The following CTIF variants were observed in gnomAD, a reference collection of about 807,000 sequenced individuals.
CTIF encodes the protein cap binding complex dependent translation initiation factor.
Under a neutral mutation model 66.0 loss-of-function variants are expected in CTIF, and 21 were observed. The observed-to-expected ratio is 0.32, with a 90% CI of 0.23 to 0.46. The LOEUF is 0.46. CTIF is among the 20% of genes least tolerant of loss of function. The pLI, the probability that CTIF is intolerant of heterozygous loss-of-function variation, is 1.00. For synonymous variants in CTIF, 345 were observed against 326.4 expected (o/e 1.06, Z -0.62); for missense variants, 739 against 812.7 (o/e 0.91, Z 1.10).
intron 1 of CTIF, among the ~76,000 whole-genome samples, chr18:48,571,320 C>A (rs1053454476): frequency 3.3e-5 from 5 of 152,122 alleles, no homozygotes; most frequent in African/African-American, 1.2e-4. Flanking sequence ...CCACGCCCGG[C>A]TAATTTTTGT....
intron 9 of CTIF, among the ~76,000 whole-genome samples, chr18:48,795,347 A>T (rs1194288161): frequency 6.6e-6 from 1 of 152,138 alleles, no homozygotes; most frequent in Non-Finnish European, 1.5e-5. Flanking sequence ...GATTTCTCCA[A>T]GGTCACAATT....
intron 1 of CTIF, among the ~76,000 whole-genome samples, chr18:48,584,341 G>A (rs1027116980): frequency 5.9e-5 from 9 of 152,212 alleles, no homozygotes; most frequent in African/African-American, 1.7e-4. Context: ...TTAGCCATAT[G>A]TTGCTGTTCT....
intron 10 of CTIF, among the ~76,000 whole-genome samples, chr18:48,849,582 C>CTTTTTTTT (rs377281281): frequency 1.7e-5 from 2 of 114,438 alleles, no homozygotes; most frequent in Non-Finnish European, 3.5e-5. Context: ...CCATTTTAAA[C>CTTTTTTTT]TTTTTTTTTT....
chr18:48,773,246 A>G (rs1214574423), intron 9 of CTIF, among the ~76,000 whole-genome samples: 1 of 152,234 alleles, frequency 6.6e-6, no homozygotes, highest in Admixed American at 6.5e-5. Context: ...GAAAGAGGCC[A>G]TGAAGACATG....
intron 1 of CTIF, among the ~76,000 whole-genome samples, chr18:48,583,619 C>A (rs2089707769): frequency 6.6e-6 from 1 of 152,192 alleles, no homozygotes; most frequent in Non-Finnish European, 1.5e-5. Flanking sequence ...CAAGGGCCTG[C>A]AACATGCCTG....
At chr18:48,563,623 C>A (rs1030161767) in intron 1 of CTIF, among the ~76,000 whole-genome samples, 6 of 152,214 alleles carry the variant, frequency 3.9e-5, no homozygotes, top group African/African-American at 1.4e-4. Context: ...AGGTGCACAC[C>A]ACCACACCTG....
At chr18:48,728,559 C>G (rs1039805772) in intron 7 of CTIF, among the ~76,000 whole-genome samples, 20 of 152,130 alleles carry the variant, frequency 1.3e-4, no homozygotes, top group Non-Finnish European at 2.6e-4. Context: ...GGATTGCGGT[C>G]ATCTGACACT....
intron 3 of CTIF, among the ~76,000 whole-genome samples, chr18:48,646,169 C>G (rs2091027263): frequency 6.6e-6 from 1 of 152,026 alleles, no homozygotes; most frequent in Admixed American, 6.5e-5. Context: ...ACATATCTGA[C>G]AAACGGCTCG....
intron 10 of CTIF, among the ~76,000 whole-genome samples, chr18:48,843,236 A>G (rs2068989270): frequency 6.6e-6 from 1 of 152,020 alleles, no homozygotes; most frequent in Non-Finnish European, 1.5e-5. Context: ...CCCCTAGGCC[A>G]GGCACTGCTG....
chr18:48,737,984 C>T (rs1047442175), intron 7 of CTIF, among the ~76,000 whole-genome samples: 3 of 152,262 alleles, frequency 2.0e-5, no homozygotes, highest in Non-Finnish European at 4.4e-5. Flanking sequence ...CTCAACATCC[C>T]ACGGTGGGGT....
intron 6 of CTIF, among the ~76,000 whole-genome samples, chr18:48,703,467 A>G (rs930488784): frequency 6.6e-5 from 10 of 152,200 alleles, no homozygotes; most frequent in Non-Finnish European, 1.5e-4. Flanking sequence ...AGTTGTTTTT[A>G]ACAAAGCAGG....
At chr18:48,651,329 GGC>G (rs2091152605) in intron 3 of CTIF, among the ~76,000 whole-genome samples, 1 of 152,096 alleles carries the variant, frequency 6.6e-6, no homozygotes, top group Admixed American at 6.6e-5. Context: ...AACAAAAAAA[GGC>G]AGGGGTTGCA....
Position 48,670,579 on chromosome 18 carries a change from G to T in CTIF, c.432-90G>T, listed in dbSNP as rs1433432670. 4 of 1,202,214 alleles carry T rather than the reference G, an allele frequency of 3.3e-6. No individual in the cohort carries two copies. The East Asian group carries it at 7.0e-5, about 21-fold the overall frequency. 74.5% of individuals were successfully genotyped at this position (1,202,214 alleles called of 1,614,324 possible). On this transcript the variant is annotated intron_variant, in intron 5 of 11. Coordinates refer to ENST00000256413, the MANE Select transcript of CTIF (RefSeq NM_014772.3). The stretch of plus-strand genomic sequence containing the variant: ...TGAGGGTGGGCAGCACCAGGTATCT[G>T]CTGACTGTCCCTCCTCTCCTGCTGG...
intron 7 of CTIF, among the ~76,000 whole-genome samples, chr18:48,727,070 G>GCA (rs35188197): frequency 0.095 from 13,749 of 144,454 alleles, 638 homozygotes; most frequent in East Asian, 0.12. Context: ...CAAGTTAGCT[G>GCA]CACACACACA....
At chr18:48,593,127 G>A (rs1018794115) in intron 1 of CTIF, among the ~76,000 whole-genome samples, 3 of 152,210 alleles carry the variant, frequency 2.0e-5, no homozygotes, top group Non-Finnish European at 1.5e-5. Context: ...CAGCATTCAA[G>A]GTGCAGGAGG....
chr18:48,804,464 A>T (rs760152084), intron 9 of CTIF, among the ~76,000 whole-genome samples: 88 of 152,332 alleles, frequency 5.8e-4, no homozygotes, highest in Middle Eastern at 6.8e-3. Flanking sequence ...CATGATGGCC[A>T]GCTGTGAGTA....
At chr18:48,707,291 G>A (rs189133658) in intron 6 of CTIF, among the ~76,000 whole-genome samples, 2 of 152,208 alleles carry the variant, frequency 1.3e-5, no homozygotes, top group African/African-American at 4.8e-5. Flanking sequence ...GCAAGGAGAG[G>A]TCTTTGGTCT....
intron 6 of CTIF, chr18:48,688,402 A>T (rs568634602): frequency 6.6e-6 from 1 of 152,436 alleles, no homozygotes; most frequent in South Asian, 2.1e-4. Flanking sequence ...AGGCTCAGGT[A>T]TAGGGGTGCC....
intron 3 of CTIF, among the ~76,000 whole-genome samples, chr18:48,659,669 A>G (rs898655981): frequency 6.6e-6 from 1 of 152,206 alleles, no homozygotes; most frequent in East Asian, 1.9e-4. Flanking sequence ...ACAAGACTCA[A>G]GCCTTGTGGC....
Sources: gnomAD v4.1 joint callset for allele counts (sites outside exome capture counted in the v4.1 genomes callset) on GRCh38, gnomAD v4.1.1 for gene constraint, MANE v1.5 for transcripts, NCBI Gene and HGNC (gene_info 2026-07-23, HGNC 2026-07-21) for gene names.